Variants in CELF2 observed in about 807,000 individuals in gnomAD.
CELF2 encodes CUGBP Elav-like family member 2.
Under a neutral mutation model 62.6 loss-of-function variants are expected in CELF2, and 8 were observed. The ratio of observed to expected loss-of-function variants is 0.13; its 90% CI spans 0.07 to 0.23. The LOEUF is 0.23. Among genes scored for constraint, CELF2 ranks in the 10% least tolerant of loss-of-function variants. The pLI is 1.00. For synonymous variants in CELF2, 258 were observed against 250.0 expected (o/e 1.03, Z -0.30); for missense variants, 333 against 671.0 (o/e 0.50, Z 5.56).
At chr10:10,804,497 T>C (rs1214126138) in intron 1 of CELF2, among the ~76,000 whole-genome samples, 1 of 152,184 alleles carries the variant, frequency 6.6e-6, no homozygotes, top group Admixed American at 6.5e-5. Context: ...CTAGTCTTGT[T>C]ATTAGGAAAA....
the CELF2 span, among the ~76,000 whole-genome samples, chr10:10,757,230 G>C: frequency 1.3e-5 from 2 of 152,140 alleles, no homozygotes; most frequent in Non-Finnish European, 2.9e-5. Context: ...GGTCGAGGTA[G>C]GAACATCACT....
intron 9 of CELF2, 75 bp downstream of exon 9, chr10:11,288,627 C>T (rs563071106): frequency 4.2e-5 from 65 of 1,546,800 alleles, no homozygotes; most frequent in Non-Finnish European, 5.4e-5. Context: ...CCTCCAGGTG[C>T]GAGGGTGAGG....
chr10:10,521,123 G>A, the CELF2 span, among the ~76,000 whole-genome samples: 1 of 152,200 alleles, frequency 6.6e-6, no homozygotes, highest in Non-Finnish European at 1.5e-5. Flanking sequence ...CTCGAAACAA[G>A]AGTGTTGACC....
intron 1 of CELF2, among the ~76,000 whole-genome samples, chr10:11,138,276 T>C (rs899422999): frequency 5.3e-5 from 8 of 152,350 alleles, no homozygotes; most frequent in Non-Finnish European, 1.0e-4. Flanking sequence ...TTAGATCATT[T>C]CTAAAAAATA....
intron 8 of CELF2, among the ~76,000 whole-genome samples, chr10:11,283,412 C>G (rs1241724195): frequency 6.6e-6 from 1 of 152,180 alleles, no homozygotes; most frequent in Non-Finnish European, 1.5e-5. Context: ...GGGTCTAGCC[C>G]ATCATGGCCA....
intron 1 of CELF2, among the ~76,000 whole-genome samples, chr10:11,103,780 C>G (rs2480800): frequency 0.49 from 74,217 of 151,878 alleles, 21,644 homozygotes; most frequent in East Asian, 0.83. Context: ...TGAATAAATA[C>G]CTAACAAGTG....
At chr10:11,174,045 T>C (rs2070022824) in intron 2 of CELF2, among the ~76,000 whole-genome samples, 1 of 152,218 alleles carries the variant, frequency 6.6e-6, no homozygotes, top group Non-Finnish European at 1.5e-5. Flanking sequence ...ATCTGAGTGA[T>C]GTATATTAGG....
intron 1 of CELF2, among the ~76,000 whole-genome samples, chr10:10,882,814 A>G (rs1434058525): frequency 6.6e-6 from 1 of 152,206 alleles, no homozygotes; most frequent in African/African-American, 2.4e-5. Flanking sequence ...AATAAAAAAA[A>G]TCAAGTTCTG....
At chr10:10,822,441 G>A (rs895161040) in intron 1 of CELF2, among the ~76,000 whole-genome samples, 1 of 152,214 alleles carries the variant, frequency 6.6e-6, no homozygotes, top group African/African-American at 2.4e-5. Flanking sequence ...TGCATATGCA[G>A]TCATGTGTTT....
In CELF2 at chr10:11,072,313, G is replaced by C. The variant is rs187360576; in HGVS notation, c.74+54150G>C. On this transcript the variant is annotated intron_variant, in intron 1 of 12. Coordinates refer to ENST00000633077, the MANE Select transcript of CELF2 (RefSeq NM_001326342.2). Reference sequence around the variant, plus strand: ...AACCTCTTTTAAGTGCATGTGACAAGTTGTTTCTTTGCCTTGAGGGAAAGA... The same window carrying C: ...AACCTCTTTTAAGTGCATGTGACAACTTGTTTCTTTGCCTTGAGGGAAAGA... Among the ~76,000 whole-genome samples, 423 of 152,314 alleles carry C rather than the reference G, an allele frequency of 2.8e-3. 3 individuals are homozygous for C. Among genetic ancestry groups the C allele is most frequent in the African/African-American group, 9.8e-3 (409 of 41,568 alleles).
intron 1 of CELF2, among the ~76,000 whole-genome samples, chr10:10,868,357 A>G (rs528938135): frequency 1.3e-5 from 2 of 152,284 alleles, no homozygotes; most frequent in South Asian, 2.1e-4. Flanking sequence ...TGACTCGAAT[A>G]CCTACATAAG....
rs10624733 is a variant in CELF2, at chr10:11,211,784, ATG to A, written c.272-5634_272-5633del. On this transcript the variant is annotated intron_variant, in intron 2 of 12. Transcript: ENST00000633077. The surrounding 1 kb of genome is among the most constrained non-coding windows in gnomAD (Gnocchi z 4.8). ...TGTGAGTGAGTGAGAGTGTGTGTGT[ATG>A]TGTGTGAGAGAGAGAGAGAGAGAGA... is the stretch of plus-strand genomic sequence containing the variant. Among the ~76,000 whole-genome samples the A allele has an allele frequency of 9.3e-5, 12 of 129,344 alleles. No homozygotes were observed. Among genetic ancestry groups the A allele is most frequent in the African/African-American group, 1.8e-4 (6 of 33,982 alleles). The allele number at this position is 129,344 out of a possible 152,430, so 84.9% of individuals were successfully genotyped here. A position where few individuals can be genotyped will look rare whatever the true frequency, so the allele number is the denominator to read the frequency against.
intron 1 of CELF2, among the ~76,000 whole-genome samples, chr10:11,097,017 A>G (rs1351199918): frequency 1.3e-5 from 2 of 152,228 alleles, no homozygotes; most frequent in African/African-American, 2.4e-5. Context: ...TAAAAACAAT[A>G]GGAAACGAAG....
Position 11,246,597 on chromosome 10 carries a change from C to T in CELF2, c.355-2556C>T, listed in dbSNP as rs1419660685. Among the ~76,000 whole-genome samples the T allele has an allele frequency of 6.6e-6, 1 of 152,164 alleles. No homozygotes were observed. Among genetic ancestry groups the T allele is most frequent in the Non-Finnish European group, 1.5e-5 (1 of 68,026 alleles). ...ATTCTTTGGCCTCTCACAGTGTTTG[C>T]TGTGGCCTGATTCTCCCTCATTCTG... On this transcript the variant is annotated intron_variant, in intron 3 of 12. Transcript: ENST00000633077. This position sits in a 1 kb window ranked among gnomAD's most constrained non-coding sequence, Gnocchi z 4.6.
At chr10:10,557,294 C>A in the CELF2 span, among the ~76,000 whole-genome samples, 1 of 150,404 alleles carries the variant, frequency 6.6e-6, no homozygotes, top group Non-Finnish European at 1.5e-5. Context: ...ATAGGGAATC[C>A]TTTCCCCATT....
chr10:10,718,981 TTC>T, the CELF2 span, among the ~76,000 whole-genome samples: 1 of 147,332 alleles, frequency 6.8e-6, no homozygotes, highest in Non-Finnish European at 1.5e-5. Flanking sequence ...TGCTTTATTA[TTC>T]TCTTTTTTTT....
rs2093806794 is a variant in CELF2 at position 11,302,014 on chromosome 10, C to T, written c.977-12125C>T. ...CCGCTCAGCAGATGCCAGCTCAGTG[C>T]CCGCTGCACCAGTGATTCTCATAGT... is the stretch of plus-strand genomic sequence containing the variant. On this transcript the variant is annotated intron_variant, in intron 9 of 12. Coordinates refer to ENST00000633077, the MANE Select transcript of CELF2 (RefSeq NM_001326342.2). The surrounding 1 kb of genome is among the most constrained non-coding windows in gnomAD (Gnocchi z 5.0). 6.6e-6 allele frequency among the ~76,000 whole-genome samples: 1 copy of T among 152,190 alleles called. No homozygotes were observed. The highest frequency in any genetic ancestry group is 2.4e-5 in the African/African-American group (1 of 41,458).
At chr10:11,326,554 C>T (rs555544022) in intron 12 of CELF2, among the ~76,000 whole-genome samples, 2 of 152,302 alleles carry the variant, frequency 1.3e-5, no homozygotes, top group Non-Finnish European at 2.9e-5. Context: ...AGCTGCCATG[C>T]CCCCTTTCCT....
At chr10:10,731,973 C>G in the CELF2 span, among the ~76,000 whole-genome samples, 1 of 152,152 alleles carries the variant, frequency 6.6e-6, no homozygotes, top group Non-Finnish European at 1.5e-5. Context: ...ACACCTAACT[C>G]TTTTGCAAGA....
Sources: gnomAD v4.1 joint callset for allele counts (sites outside exome capture counted in the v4.1 genomes callset) on GRCh38, gnomAD v4.1.1 for gene constraint, Gnocchi (gnomAD v3.1) non-coding constraint, MANE v1.5 for transcripts, NCBI Gene and HGNC (gene_info 2026-07-23, HGNC 2026-07-21) for gene names.